The following MARF1 variants were observed in gnomAD, a reference collection of about 807,000 sequenced individuals.
MARF1 encodes the protein meiosis regulator and mRNA stability factor 1.
In MARF1, 24 loss-of-function variants were observed where a neutral mutation model predicts 168.2. The observed-to-expected ratio is 0.14, with a 90% CI of 0.10 to 0.20. The LOEUF (loss-of-function observed/expected upper bound fraction) is 0.20, where lower values mean the gene tolerates loss of function less well. Ranked by LOEUF, MARF1 falls within the 10% of genes least tolerant of loss-of-function variation. The probability of loss-of-function intolerance (pLI) is 1.00; values close to 1 mark genes in which losing one functional copy is unlikely to be tolerated. For missense variants in MARF1, 1,744 were observed against 2,143.6 expected (o/e 0.81, Z 3.68); for synonymous variants, 868 against 822.4 (o/e 1.06, Z -0.95).
Position 15,595,265 on chromosome 16 carries a change from C to T in MARF1, c.*1428G>A, listed in dbSNP as rs1406995040. The T allele has an allele frequency of 1.3e-5, 2 of 152,526 alleles. No homozygotes were observed. The highest frequency in any genetic ancestry group is 4.8e-5 in the African/African-American group (2 of 41,436). The allele number at this position is 152,526 out of a possible 1,614,324, so 9.4% of individuals were successfully genotyped here. ...AAGATTTGGGGAACAAAAAATCTGACTTGTAAAAATCTCTCTATAGCCCTT... is the reference window on the plus strand; with the variant it reads ...AAGATTTGGGGAACAAAAAATCTGATTTGTAAAAATCTCTCTATAGCCCTT... On this transcript the variant is annotated 3_prime_UTR_variant, in exon 27 of 27. Coordinates refer to ENST00000396368, the MANE Select transcript of MARF1 (RefSeq NM_014647.4).
At chr16:15,637,426 C>T (rs1456057575) in intron 2 of MARF1, among the ~76,000 whole-genome samples, 1 of 152,208 alleles carries the variant, frequency 6.6e-6, no homozygotes, top group Non-Finnish European at 1.5e-5. Context: ...AGCATAGGCT[C>T]ATCTGGAAGA....
At chr16:15,625,270 C>T (rs981942266) in intron 8 of MARF1, 97 bp from the exon 9 acceptor site, 52 of 1,551,282 alleles carry the variant, frequency 3.4e-5, no homozygotes, top group Non-Finnish European at 4.5e-5. Flanking sequence ...TCATCAAACA[C>T]TGAAATCAAA....
At chr16:15,599,175 A>AAAAAAC in intron 25 of MARF1, 151 bp from the exon 26 acceptor site, 1 of 728,840 alleles carries the variant, frequency 1.4e-6, no homozygotes, top group Non-Finnish European at 2.2e-6. Context: ...AAAAAAAAAA[A>AAAAAAC]CAAAAACCCA....
intron 17 of MARF1, among the ~76,000 whole-genome samples, chr16:15,612,345 C>T (rs1265981075): frequency 6.6e-6 from 1 of 152,182 alleles, no homozygotes; most frequent in African/African-American, 2.4e-5. Flanking sequence ...CTCAGTCCTC[C>T]AAGGAGTTCC....
chr16:15,625,301 G>C, intron 8 of MARF1, 71 bp downstream of exon 8: 7 of 1,547,354 alleles, frequency 4.5e-6, no homozygotes, highest in Non-Finnish European at 6.1e-6. Context: ...CCAAAAGCAA[G>C]CGGGCACGTA....
At chr16:15,616,074 A>G in intron 15 of MARF1, 69 bp from the exon 16 acceptor site, 5 of 1,274,040 alleles carry the variant, frequency 3.9e-6, no homozygotes, top group Non-Finnish European at 5.2e-6. Flanking sequence ...GGCGCTTGCT[A>G]AACAGAAGGC....
intron 20 of MARF1, chr16:15,608,838 T>C: frequency 2.7e-6 from 1 of 363,694 alleles, no homozygotes; most frequent in South Asian, 4.3e-5. Flanking sequence ...AGAAATTTGG[T>C]TTAACTTAGC....
chr16:15,636,424 A>C, intron 2 of MARF1, 82 bp from the exon 3 acceptor site: 1 of 959,620 alleles, frequency 1.0e-6, no homozygotes, highest in Non-Finnish European at 1.6e-6. Flanking sequence ...GCATGCACAA[A>C]CAGAAATAGT....
In MARF1 at chr16:15,617,588, C is replaced by G. The variant is rs772823635; in HGVS notation, c.2721-53G>C. The G allele has an allele frequency of 1.0e-4, 113 of 1,130,666 alleles. No individual in the cohort carries two copies. In the Middle Eastern group the frequency reaches 1.4e-3, roughly 14 times the overall value. The allele number at this position is 1,130,666 out of a possible 1,614,324, so 70.0% of individuals were successfully genotyped here. Reference sequence around the variant, plus strand: ...CTTAGAAGGTTTTTCTTTGATTATACAGAAACACGCATCCTGTTTAAATAA... The same window carrying G: ...CTTAGAAGGTTTTTCTTTGATTATAGAGAAACACGCATCCTGTTTAAATAA... On this transcript the variant is annotated intron_variant, in intron 13 of 26. Transcript: ENST00000396368.
chr16:15,629,370 G>C (rs2035092053), intron 7 of MARF1, among the ~76,000 whole-genome samples: 1 of 152,154 alleles, frequency 6.6e-6, no homozygotes, highest in Non-Finnish European at 1.5e-5. Context: ...CCAGACCGCA[G>C]GGGGCTTGTT....
At chr16:15,642,995 C>G (rs1219405131) in intron 1 of MARF1, 23 bp downstream of exon 1, 1 of 262,358 alleles carries the variant, frequency 3.8e-6, no homozygotes, top group Non-Finnish European at 7.4e-6. Flanking sequence ...GGGGTCTGGT[C>G]GCAGGACTGT....
At chr16:15,624,541 T>C (rs912257558) in intron 10 of MARF1, among the ~76,000 whole-genome samples, 7 of 152,192 alleles carry the variant, frequency 4.6e-5, no homozygotes, top group Non-Finnish European at 7.4e-5. Context: ...GGCTTCTCTT[T>C]CTGACCTCTG....
chr16:15,604,658 C>A (rs1453223777), intron 21 of MARF1, among the ~76,000 whole-genome samples: 3 of 152,102 alleles, frequency 2.0e-5, no homozygotes, highest in African/African-American at 7.2e-5. Flanking sequence ...GAGGAAATTG[C>A]ATCATTCTCT....
At chr16:15,637,034 A>C (rs2151308452) in intron 2 of MARF1, among the ~76,000 whole-genome samples, 2 of 152,344 alleles carry the variant, frequency 1.3e-5, no homozygotes, top group East Asian at 3.9e-4. Flanking sequence ...AGACACAGGA[A>C]GCCAGTATAT....
chr16:15,638,366 A>G (rs951029343), intron 2 of MARF1, among the ~76,000 whole-genome samples: 1 of 152,114 alleles, frequency 6.6e-6, no homozygotes, highest in African/African-American at 2.4e-5. Flanking sequence ...CGGGAGGATC[A>G]CTTGAGGTCA....
At chr16:15,628,875 C>T (rs1567577347) in intron 7 of MARF1, among the ~76,000 whole-genome samples, 4 of 151,990 alleles carry the variant, frequency 2.6e-5, no homozygotes, top group Admixed American at 2.6e-4. Flanking sequence ...GACTAAAGAA[C>T]ATAAAAAGAA....
Position 15,615,983 on chromosome 16 carries a change from C to A in MARF1, c.3100G>T (p.Glu1034Ter). The A allele has an allele frequency of 6.5e-7, 1 of 1,527,628 alleles. No homozygotes were observed. Among genetic ancestry groups the A allele is most frequent in the Non-Finnish European group, 8.8e-7 (1 of 1,133,446 alleles). 94.6% of individuals were successfully genotyped at this position (1,527,628 alleles called of 1,614,324 possible). Residue 1034 changes from glutamate (E) to a stop codon, truncating the protein, a stop_gained, in exon 16 of 27, where the codon GAG (glutamate) becomes TAG (stop). Coordinates refer to ENST00000396368, the MANE Select transcript of MARF1 (RefSeq NM_014647.4). LOFTEE classifies it high-confidence loss of function. ...LLSFPDCYIAEFGDLEVVQEN... is the reference protein window; with the variant it reads ...LLSFPDCYIA The stretch of plus-strand genomic sequence containing the variant: ...TGCACTACTTCTAGATCGCCAAACT[C>A]TGCAATGTAACAATCTGGAAAGCTG...
At chr16:15,631,061 C>T (rs906616139) in intron 6 of MARF1, among the ~76,000 whole-genome samples, 2 of 152,004 alleles carry the variant, frequency 1.3e-5, no homozygotes, top group Admixed American at 6.6e-5. Context: ...ACCTGGGAGG[C>T]GGAGGTTGCA....
chr16:15,613,461 A>G (rs1429523940), intron 16 of MARF1, among the ~76,000 whole-genome samples: 1 of 151,914 alleles, frequency 6.6e-6, no homozygotes, highest in Non-Finnish European at 1.5e-5. Context: ...CATCCTGGCT[A>G]ACAAGGTGAA....
Sources: allele counts gnomAD v4.1 joint callset (sites outside exome capture counted in the v4.1 genomes callset), GRCh38; gene constraint gnomAD v4.1.1; transcripts MANE v1.5; gene names NCBI Gene and HGNC (gene_info 2026-07-23, HGNC 2026-07-21).